The following BLK variants were observed in gnomAD, a reference collection of about 807,000 sequenced individuals.
BLK encodes the protein tyrosine-protein kinase Blk.
In BLK, 64 loss-of-function variants were observed where a neutral mutation model predicts 61.8. The observed-to-expected ratio is 1.03, with a 90% CI of 0.85 to 1.27. The LOEUF is 1.27. Ranked by LOEUF, BLK falls within the 50% of genes most tolerant of loss-of-function variation. The pLI, the probability that BLK is intolerant of heterozygous loss-of-function variation, is 0.00. For synonymous variants in BLK, 351 were observed against 272.0 expected, an observed-to-expected ratio of 1.29 and a Z score of -2.86; for missense variants, 853 against 660.5, an observed-to-expected ratio of 1.29 and a Z score of -3.19.
chr8:11,550,299 C>T (rs762219322), intron 6 of BLK, 37 bp downstream of exon 6: 5 of 1,599,394 alleles, frequency 3.1e-6, no homozygotes, highest in Non-Finnish European at 4.3e-6. Context: ...CCTTGCCCTG[C>T]TCCTCCCGGG....
At chr8:11,546,319 T>C (rs372753713) in intron 3 of BLK, among the ~76,000 whole-genome samples, 36 of 152,262 alleles carry the variant, frequency 2.4e-4, no homozygotes, top group Non-Finnish European at 4.6e-4. Context: ...GTGGGACTTT[T>C]AAAACATGAA....
At chr8:11,513,055 T>A (rs1250888879) in intron 1 of BLK, among the ~76,000 whole-genome samples, 2 of 152,024 alleles carry the variant, frequency 1.3e-5, no homozygotes, top group Non-Finnish European at 1.5e-5. Context: ...GAAGCAAGAG[T>A]CTCTTGAAGT....
At chr8:11,511,559 A>C (rs2618458) in intron 1 of BLK, among the ~76,000 whole-genome samples, 1 of 152,042 alleles carries the variant, frequency 6.6e-6, no homozygotes, top group African/African-American at 2.4e-5. Flanking sequence ...TTCCTTAAAC[A>C]CAAGTGTGTA....
chr8:11,512,634 C>G (rs553271305), intron 1 of BLK, among the ~76,000 whole-genome samples: 1 of 150,530 alleles, frequency 6.6e-6, no homozygotes, highest in South Asian at 2.1e-4. Flanking sequence ...AATTTTACTG[C>G]AAATTACACA....
chr8:11,545,197 G>C (rs538686687), intron 2 of BLK, among the ~76,000 whole-genome samples: 7 of 152,292 alleles, frequency 4.6e-5, no homozygotes, highest in African/African-American at 1.7e-4. Flanking sequence ...TTTATTGCCT[G>C]AGTATACTGT....
intron 1 of BLK, among the ~76,000 whole-genome samples, chr8:11,512,387 C>T (rs1799047844): frequency 6.6e-6 from 1 of 152,126 alleles, no homozygotes; most frequent in Non-Finnish European, 1.5e-5. Context: ...CATCCTAAAC[C>T]CCACCCTGAA....
intron 8 of BLK, 151 bp from the exon 9 acceptor site, chr8:11,556,507 A>G: frequency 1.1e-6 from 1 of 921,422 alleles, no homozygotes; most frequent in African/African-American, 1.6e-5. Flanking sequence ...CAAGGTAGGC[A>G]CCACACAACC....
intron 1 of BLK, among the ~76,000 whole-genome samples, chr8:11,529,654 G>A (rs1356765238): frequency 6.6e-6 from 1 of 152,062 alleles, no homozygotes. Flanking sequence ...TAGTTCCCAG[G>A]AAAGAAGGAG....
intron 3 of BLK, 64 bp downstream of exon 3, chr8:11,546,167 G>A: frequency 6.3e-7 from 1 of 1,588,784 alleles, no homozygotes; most frequent in Admixed American, 1.7e-5. Flanking sequence ...CAGCTTTGTG[G>A]AGTTGGAAAA....
At chr8:11,532,403 G>A (rs1799926771) in intron 1 of BLK, among the ~76,000 whole-genome samples, 1 of 145,774 alleles carries the variant, frequency 6.9e-6, no homozygotes, top group African/African-American at 2.5e-5. Context: ...CAGAGACAGG[G>A]TTTCACCATG....
At chr8:11,556,368 GGAAGGACACAGGTTCCGTGCAGGACA>G (rs1801223488) in intron 8 of BLK, 1 of 466,104 alleles carries the variant, frequency 2.1e-6, no homozygotes, top group Non-Finnish European at 4.0e-6. Context: ...GAGGGGTGGG[GGAAGGACACAGGTTCCGTGCAGGACA>G]GAAGGACACA....
chr8:11,515,447 G>T (rs1187714545), intron 1 of BLK, among the ~76,000 whole-genome samples: 1 of 152,180 alleles, frequency 6.6e-6, no homozygotes, highest in African/African-American at 2.4e-5. Context: ...GCCTGGGGGA[G>T]TGTCTGGGAC....
intron 1 of BLK, among the ~76,000 whole-genome samples, chr8:11,521,707 C>T (rs1257412687): frequency 6.6e-6 from 1 of 152,172 alleles, no homozygotes; most frequent in South Asian, 2.1e-4. Flanking sequence ...TAGCTCATAC[C>T]GCCCTGGAGA....
intron 4 of BLK, 59 bp downstream of exon 4, chr8:11,548,184 C>A: frequency 7.1e-7 from 1 of 1,405,618 alleles, no homozygotes; most frequent in Non-Finnish European, 1.0e-6. Flanking sequence ...CACATCTCTC[C>A]TTTCTCCACC....
intron 5 of BLK, among the ~76,000 whole-genome samples, chr8:11,549,454 C>G (rs963451313): frequency 6.6e-6 from 1 of 152,230 alleles, no homozygotes; most frequent in Admixed American, 6.5e-5. Flanking sequence ...CCTACAGCCT[C>G]CATGGGCAGG....
At chr8:11,558,367 G>A (rs2117576274) in intron 10 of BLK, 1 of 388,846 alleles carries the variant, frequency 2.6e-6, no homozygotes, top group South Asian at 2.1e-5. Flanking sequence ...GTTAGCAAGA[G>A]TTCCATTGAA....
In BLK at chr8:11,494,547, A is replaced by G. The variant is rs2250788; in HGVS notation, c.-46A>G. 0.82 allele frequency: 125,036 copies of G among 152,266 alleles called. 51,518 individuals are homozygous for G. Among genetic ancestry groups the G allele is most frequent in the Admixed American group, 0.86 (13,209 of 15,300 alleles). The allele number at this position is 152,266 out of a possible 1,614,324, so 9.4% of individuals were successfully genotyped here. A position where few individuals can be genotyped will look rare whatever the true frequency, so the allele number is the denominator to read the frequency against. On this transcript the variant is annotated 5_prime_UTR_variant, in exon 1 of 13. Coordinates refer to ENST00000259089, the MANE Select transcript of BLK (RefSeq NM_001715.3). ...GAGCCTGCTCCACTGTAAGGGTGTCAGGATCTGAAGAGCTATGGTGAAACA... is the reference window on the plus strand; with the variant it reads ...GAGCCTGCTCCACTGTAAGGGTGTCGGGATCTGAAGAGCTATGGTGAAACA...
At chr8:11,545,352 C>G (rs768089473) in intron 2 of BLK, among the ~76,000 whole-genome samples, 46 of 152,182 alleles carry the variant, frequency 3.0e-4, no homozygotes, top group Non-Finnish European at 5.3e-4. Flanking sequence ...AGTTCAAGAT[C>G]AGCCTGGCCA....
chr8:11,525,067 A>G (rs369487291), intron 1 of BLK, among the ~76,000 whole-genome samples: 13 of 152,224 alleles, frequency 8.5e-5, no homozygotes, highest in East Asian at 7.7e-4. Context: ...AGGGGAAAGC[A>G]TATTTAATGT....
Sources: allele counts gnomAD v4.1 joint callset (sites outside exome capture counted in the v4.1 genomes callset), GRCh38; gene constraint gnomAD v4.1.1; transcripts MANE v1.5; gene names NCBI Gene and HGNC (gene_info 2026-07-23, HGNC 2026-07-21).